Variants in PAQR5 observed in about 807,000 individuals in gnomAD.
PAQR5 encodes progestin and adipoQ receptor family member 5.
In PAQR5, 20 loss-of-function variants were observed where a neutral mutation model predicts 34.5. The observed-to-expected ratio is 0.58, with a 90% CI of 0.41 to 0.84. PAQR5 has a LOEUF of 0.84. Among genes scored for constraint, PAQR5 ranks in the 40% least tolerant of loss-of-function variants. The probability of loss-of-function intolerance (pLI) is 0.00; values close to 1 mark genes in which losing one functional copy is unlikely to be tolerated. For synonymous variants in PAQR5, 131 were observed against 155.6 expected (o/e 0.84, Z 1.18); for missense variants, 378 against 412.7 (o/e 0.92, Z 0.73).
At chr15:69,335,715 A>G (rs1209541937) in intron 1 of PAQR5, among the ~76,000 whole-genome samples, 1 of 151,840 alleles carries the variant, frequency 6.6e-6, no homozygotes, top group African/African-American at 2.4e-5. Flanking sequence ...CCTTAGGTTA[A>G]AGCATTAAAA....
chr15:69,346,751 A>G (rs1357737353), intron 2 of PAQR5, among the ~76,000 whole-genome samples: 2 of 151,714 alleles, frequency 1.3e-5, no homozygotes, highest in Non-Finnish European at 2.9e-5. Context: ...CCTCCTGAGT[A>G]GCTGGGACTG....
chr15:69,386,308 C>T (rs1355783175), intron 5 of PAQR5, among the ~76,000 whole-genome samples: 2 of 151,680 alleles, frequency 1.3e-5, no homozygotes, highest in Non-Finnish European at 2.9e-5. Flanking sequence ...CTCACTCACA[C>T]ACTCTCACAC....
chr15:69,347,405 T>C (rs1273689169), intron 2 of PAQR5, among the ~76,000 whole-genome samples: 2 of 152,352 alleles, frequency 1.3e-5, no homozygotes, highest in East Asian at 1.9e-4. Flanking sequence ...AGTCCTAGTG[T>C]CTGCTAGGGT....
intron 1 of PAQR5, among the ~76,000 whole-genome samples, chr15:69,313,943 G>A (rs2053885645): frequency 6.6e-6 from 1 of 152,082 alleles, no homozygotes; most frequent in African/African-American, 2.4e-5. Flanking sequence ...TGGACTCAGG[G>A]ACCTTGCCTT....
chr15:69,406,185 T>C lies in PAQR5; in HGVS notation c.*2363T>C, dbSNP rs908111992. The C allele has an allele frequency of 4.6e-5, 7 of 152,190 alleles. No homozygotes were observed. The highest frequency in any genetic ancestry group is 1.0e-4 in the Non-Finnish European group (7 of 68,032). The allele number at this position is 152,190 out of a possible 1,614,324, so 9.4% of individuals were successfully genotyped here. A position where few individuals can be genotyped will look rare whatever the true frequency, so the allele number is the denominator to read the frequency against. Reference sequence around the variant, plus strand: ...TCCCATTGGTAACAATTGCTCACCATGGCATTGTCTCAAAAAAGACTATGG... The same window carrying C: ...TCCCATTGGTAACAATTGCTCACCACGGCATTGTCTCAAAAAAGACTATGG... On this transcript the variant is annotated 3_prime_UTR_variant, in exon 9 of 9. Transcript: ENST00000395407.
At chr15:69,395,072 CA>C (rs922835652) in intron 6 of PAQR5, among the ~76,000 whole-genome samples, 54 of 152,358 alleles carry the variant, frequency 3.5e-4, no homozygotes, top group African/African-American at 1.2e-3. Context: ...TAAGTGGCCA[CA>C]GGGGCCCTTT....
chr15:69,377,742 A>G (rs934638234), intron 3 of PAQR5, among the ~76,000 whole-genome samples: 11 of 151,690 alleles, frequency 7.3e-5, no homozygotes, highest in African/African-American at 2.7e-4. Context: ...TCAAGGCCAC[A>G]TGGCACCTCG....
intron 1 of PAQR5, among the ~76,000 whole-genome samples, chr15:69,323,341 G>T (rs1398182932): frequency 6.6e-6 from 1 of 152,248 alleles, no homozygotes; most frequent in Non-Finnish European, 1.5e-5. Context: ...CACCTATGGT[G>T]GTGAGGGAGG....
chr15:69,380,753 A>G (rs1258720292), intron 4 of PAQR5, among the ~76,000 whole-genome samples: 1 of 152,248 alleles, frequency 6.6e-6, no homozygotes, highest in Non-Finnish European at 1.5e-5. Context: ...AAGAACTCAG[A>G]GGCCATTCAA....
intron 1 of PAQR5, among the ~76,000 whole-genome samples, chr15:69,322,811 G>A (rs56721600): frequency 0.63 from 15,887 of 25,204 alleles, 6,419 homozygotes; most frequent in East Asian, 0.83. Flanking sequence ...AAGAGGAAGA[G>A]GAAGAAGAAG....
chr15:69,336,421 T>C (rs1247808611), intron 1 of PAQR5, among the ~76,000 whole-genome samples: 2 of 152,222 alleles, frequency 1.3e-5, no homozygotes, highest in South Asian at 4.1e-4. Context: ...TGTAAATGTA[T>C]TATTGGCATA....
At chr15:69,399,764 G>T (rs2056566650) in intron 7 of PAQR5, among the ~76,000 whole-genome samples, 1 of 152,206 alleles carries the variant, frequency 6.6e-6, no homozygotes, top group Non-Finnish European at 1.5e-5. Flanking sequence ...CCACACTCAG[G>T]ATAGGAGCTC....
intron 3 of PAQR5, among the ~76,000 whole-genome samples, chr15:69,370,735 G>A (rs2055538484): frequency 6.6e-6 from 1 of 152,118 alleles, no homozygotes; most frequent in African/African-American, 2.4e-5. Context: ...TAGCCAGGAT[G>A]GTCTCAATCT....
intron 2 of PAQR5, among the ~76,000 whole-genome samples, chr15:69,349,698 A>G (rs1207210426): frequency 6.6e-6 from 1 of 151,258 alleles, no homozygotes; most frequent in African/African-American, 2.4e-5. Context: ...CTGGAGTGCA[A>G]TCGCATGGTC....
Position 69,389,718 on chromosome 15 carries a change from C to G in PAQR5, c.450C>G (p.Asp150Glu). ...CGCTCATGTGCACCACTTTCCATGA[C>G]TACTACGTGGCCCTGGCTGTACTGA... The part of the protein sequence containing the change: ...PDALMCTTFH[D>E]YYVALAVLNT... Residue 150 changes from aspartate (D) to glutamate (E), a missense_variant, in exon 6 of 9, where the codon GAC becomes GAG. Asp to Glu is a conservative substitution (Grantham distance 45). Transcript: ENST00000395407. The G allele has an allele frequency of 6.2e-7, 1 of 1,614,188 alleles. No homozygotes were observed. The highest frequency in any genetic ancestry group is 8.5e-7 in the Non-Finnish European group (1 of 1,180,008).
At chr15:69,391,180 G>A (rs2056260685) in intron 6 of PAQR5, 1 of 152,878 alleles carries the variant, frequency 6.5e-6, no homozygotes, top group East Asian at 1.9e-4. Context: ...ACAGGCAGGT[G>A]AGATATGCCC....
intron 7 of PAQR5, 151 bp downstream of exon 7, chr15:69,397,715 C>T (rs569900833): frequency 1.5e-5 from 10 of 651,320 alleles, no homozygotes; most frequent in African/African-American, 9.1e-5. Flanking sequence ...CCCCTCCACA[C>T]CTGTGGGTAT....
intron 7 of PAQR5, among the ~76,000 whole-genome samples, chr15:69,398,239 G>A (rs1017779174): frequency 1.2e-4 from 18 of 152,144 alleles, no homozygotes; most frequent in Admixed American, 1.1e-3. Context: ...TTAAAGGAGC[G>A]ATGGGAAAGA....
intron 6 of PAQR5, among the ~76,000 whole-genome samples, chr15:69,394,828 C>T (rs1463062008): frequency 6.6e-6 from 1 of 152,226 alleles, no homozygotes; most frequent in Non-Finnish European, 1.5e-5. Context: ...TAGCGGACGG[C>T]CCCTCTCCCG....
Sources: gnomAD v4.1 joint callset for allele counts (sites outside exome capture counted in the v4.1 genomes callset) on GRCh38, gnomAD v4.1.1 for gene constraint, MANE v1.5 for transcripts, NCBI Gene and HGNC (gene_info 2026-07-23, HGNC 2026-07-21) for gene names.